YPEL2: variants seen among roughly 807,000 people sequenced by gnomAD.
YPEL2 encodes the protein yippee like 2.
Under a neutral mutation model 19.1 loss-of-function variants are expected in YPEL2, and 2 were observed. The ratio of observed to expected loss-of-function variants is 0.10; its 90% CI spans 0.04 to 0.33. The LOEUF (loss-of-function observed/expected upper bound fraction) is 0.33, where lower values mean the gene tolerates loss of function less well. Among genes scored for constraint, YPEL2 ranks in the 10% least tolerant of loss-of-function variants. YPEL2 has a pLI of 1.00. For missense variants in YPEL2, 66 were observed against 140.7 expected, an observed-to-expected ratio of 0.47 and a Z score of 2.68; for synonymous variants, 52 against 50.0, an observed-to-expected ratio of 1.04 and a Z score of -0.17.
intron 2 of YPEL2, among the ~76,000 whole-genome samples, chr17:59,370,064 T>C (rs1381915028): frequency 6.6e-6 from 1 of 152,330 alleles, no homozygotes; most frequent in East Asian, 1.9e-4. Context: ...TTTTTTTCTT[T>C]TTTTCTTTTT....
chr17:59,371,211 C>T (rs144335252), intron 2 of YPEL2, among the ~76,000 whole-genome samples: 4 of 152,302 alleles, frequency 2.6e-5, no homozygotes, highest in Admixed American at 6.5e-5. Flanking sequence ...GCTTTCCCAC[C>T]GGCTGCTTGC....
At chr17:59,338,591 A>G (rs557569244) in intron 1 of YPEL2, among the ~76,000 whole-genome samples, 1 of 152,290 alleles carries the variant, frequency 6.6e-6, no homozygotes, top group Non-Finnish European at 1.5e-5. Context: ...AGGTGTGAAT[A>G]TAAGAGGGAG....
chr17:59,344,932 G>T (rs542455777), intron 1 of YPEL2, among the ~76,000 whole-genome samples: 7 of 152,192 alleles, frequency 4.6e-5, no homozygotes, highest in Non-Finnish European at 8.8e-5. Context: ...GACCGGTTTT[G>T]TGGAAGACAA....
intron 2 of YPEL2, among the ~76,000 whole-genome samples, chr17:59,371,418 T>TG (rs1050122349): frequency 6.6e-6 from 1 of 152,196 alleles, no homozygotes; most frequent in African/African-American, 2.4e-5. Flanking sequence ...ATGGCTTGGC[T>TG]GGGGCACAAT....
chr17:59,333,362 A>T (rs1014816040), intron 1 of YPEL2, among the ~76,000 whole-genome samples: 1 of 152,256 alleles, frequency 6.6e-6, no homozygotes, highest in African/African-American at 2.4e-5. Context: ...GCAGGTTAGC[A>T]TTCAATGACA....
chr17:59,369,848 T>G (rs1420567618), intron 2 of YPEL2, among the ~76,000 whole-genome samples: 1 of 152,218 alleles, frequency 6.6e-6, no homozygotes, highest in Non-Finnish European at 1.5e-5. Flanking sequence ...TTCTTTTAAT[T>G]ATCCTAACAA....
At chr17:59,357,047 C>G (rs566810132) in intron 2 of YPEL2, among the ~76,000 whole-genome samples, 1 of 152,294 alleles carries the variant, frequency 6.6e-6, no homozygotes, top group East Asian at 1.9e-4. Flanking sequence ...CAGCAACAGT[C>G]CTGTGGAGTG....
At chr17:59,386,437 AAG>A (rs1051904548) in intron 2 of YPEL2, among the ~76,000 whole-genome samples, 7 of 152,214 alleles carry the variant, frequency 4.6e-5, no homozygotes, top group South Asian at 2.1e-4. Flanking sequence ...AGCTTAATGA[AAG>A]AGGGGAGCTG....
rs1360589714 is a variant in YPEL2, at chr17:59,353,428, T to A, written c.19T>A (p.Ser7Thr). Residue 7 changes from serine to threonine, a missense_variant, in exon 2 of 5, where the codon TCG becomes ACG. Coordinates refer to ENST00000312655, the MANE Select transcript of YPEL2 (RefSeq NM_001005404.4). The surrounding 1 kb of genome is among the most constrained non-coding windows in gnomAD (Gnocchi z 4.8). Reference sequence around the variant, plus strand: ...AGCACCAATGGTGAAGATGACAAGATCGAAGACTTTCCAGGCATATCTGCC... The same window carrying A: ...AGCACCAATGGTGAAGATGACAAGAACGAAGACTTTCCAGGCATATCTGCC... MVKMTRSKTFQAYLPSC... is the reference protein window; with the variant it reads MVKMTRTKTFQAYLPSC... 1 of 1,597,894 alleles carries A rather than the reference T, an allele frequency of 6.3e-7. No individual in the cohort carries two copies. Among genetic ancestry groups the A allele is most frequent in the South Asian group, 1.1e-5 (1 of 87,494 alleles).
chr17:59,397,071 G>A (rs776336804), intron 4 of YPEL2, 30 bp from the exon 5 acceptor site: 3 of 1,554,010 alleles, frequency 1.9e-6, no homozygotes, highest in South Asian at 2.3e-5. Context: ...TGGTCGTTCA[G>A]TATCTCTTCT....
At chr17:59,335,564 T>C (rs1038605772) in intron 1 of YPEL2, among the ~76,000 whole-genome samples, 1 of 152,124 alleles carries the variant, frequency 6.6e-6, no homozygotes, top group Non-Finnish European at 1.5e-5. Flanking sequence ...ATTTTTCTTT[T>C]CTGTTTGAGA....
At chr17:59,381,649 C>T (rs1204521513) in intron 2 of YPEL2, among the ~76,000 whole-genome samples, 1 of 152,184 alleles carries the variant, frequency 6.6e-6, no homozygotes, top group Non-Finnish European at 1.5e-5. Context: ...ACTCAAAGCC[C>T]TTTCTGTTCC....
rs1427107052 is a variant in YPEL2 at position 59,394,654 on chromosome 17, A to G, written c.271-2447A>G. On this transcript the variant is annotated intron_variant, in intron 4 of 4. Transcript: ENST00000312655. ...CTCACATCCCAGACGATGGGCGGCC[A>G]GGCAGAGAGGCTCCTCACTTCCCAG... is the stretch of plus-strand genomic sequence containing the variant. Among the ~76,000 whole-genome samples the G allele has an allele frequency of 3.6e-4, 51 of 140,756 alleles. 2 individuals carry two copies. The highest frequency in any genetic ancestry group is 6.3e-4 in the African/African-American group (24 of 37,844). 92.3% of individuals were successfully genotyped at this position (140,756 alleles called of 152,430 possible).
chr17:59,358,986 T>C (rs1414648970), intron 2 of YPEL2, among the ~76,000 whole-genome samples: 1 of 146,708 alleles, frequency 6.8e-6, no homozygotes. Flanking sequence ...TGCAGTGGTA[T>C]GATCTCAGCT....
intron 4 of YPEL2, among the ~76,000 whole-genome samples, chr17:59,394,612 G>A (rs1474437094): frequency 6.6e-6 from 1 of 150,812 alleles, no homozygotes; most frequent in Non-Finnish European, 1.5e-5. Context: ...AGACTGGGCA[G>A]CCAGGCAGAG....
chr17:59,372,449 T>C (rs1368501115), intron 2 of YPEL2, among the ~76,000 whole-genome samples: 1 of 152,202 alleles, frequency 6.6e-6, no homozygotes, highest in Admixed American at 6.5e-5. Flanking sequence ...CATGGCTTGC[T>C]GTCCTGGCTG....
In YPEL2 at chr17:59,400,577, T is replaced by G. The variant is rs1223451591; in HGVS notation, c.*3387T>G. On this transcript the variant is annotated 3_prime_UTR_variant, in exon 5 of 5. Coordinates refer to ENST00000312655, the MANE Select transcript of YPEL2 (RefSeq NM_001005404.4). ...GCATTTTTTCCCCAGTGGAACAGAC[T>G]CTGCAGTACATTAATCAGGTTGAGA... 6.6e-6 allele frequency: 1 copy of G among 152,400 alleles called. No homozygotes were observed. The highest frequency in any genetic ancestry group is 1.5e-5 in the Non-Finnish European group (1 of 68,018). 9.4% of individuals were successfully genotyped at this position (152,400 alleles called of 1,614,324 possible).
rs2047798763 is a variant in YPEL2, at chr17:59,353,706, C to G, written c.117+180C>G. On this transcript the variant is annotated intron_variant, in intron 2 of 4. Transcript: ENST00000312655. This position sits in a 1 kb window ranked among gnomAD's most constrained non-coding sequence, Gnocchi z 4.8. ...CTCTGAGTTGGAGGGACAGAGTAGTCATTTAATTTGTTATTTTGGAAATGA... is the reference window on the plus strand; with the variant it reads ...CTCTGAGTTGGAGGGACAGAGTAGTGATTTAATTTGTTATTTTGGAAATGA... The G allele has an allele frequency of 1.6e-6, 1 of 634,274 alleles. No individual in the cohort carries two copies. The highest frequency in any genetic ancestry group is 3.1e-5 in the East Asian group (1 of 32,732). The allele number at this position is 634,274 out of a possible 1,614,324, so 39.3% of individuals were successfully genotyped here.
At position 59,401,689 on chromosome 17, in the gene YPEL2, G is replaced by A. The variant is rs1376481019; in HGVS notation, c.*4499G>A. 1 of 152,636 alleles carries A rather than the reference G, an allele frequency of 6.6e-6. No individual in the cohort carries two copies. Among genetic ancestry groups the A allele is most frequent in the Non-Finnish European group, 1.5e-5 (1 of 68,040 alleles). 9.5% of individuals were successfully genotyped at this position (152,636 alleles called of 1,614,324 possible). A position where few individuals can be genotyped will look rare whatever the true frequency, so the allele number is the denominator to read the frequency against. ...TGTTTCTGTCATATTTCCAATCTGT[G>A]TTGGTGCTCATTTGAGAAAATAAAA... On this transcript the variant is annotated 3_prime_UTR_variant, in exon 5 of 5. Coordinates refer to ENST00000312655, the MANE Select transcript of YPEL2 (RefSeq NM_001005404.4).
Sources: gnomAD v4.1 joint callset for allele counts (sites outside exome capture counted in the v4.1 genomes callset) on GRCh38, gnomAD v4.1.1 for gene constraint, Gnocchi (gnomAD v3.1) non-coding constraint, MANE v1.5 for transcripts, NCBI Gene and HGNC (gene_info 2026-07-23, HGNC 2026-07-21) for gene names.